SLC24A2: variants seen among roughly 807,000 people sequenced by gnomAD.
SLC24A2 encodes the protein sodium/potassium/calcium exchanger 2.
In SLC24A2, 36 loss-of-function variants were observed where a neutral mutation model predicts 62.0. The ratio of observed to expected loss-of-function variants is 0.58; its 90% CI spans 0.44 to 0.77. The LOEUF (loss-of-function observed/expected upper bound fraction) is 0.77, where lower values mean the gene tolerates loss of function less well. SLC24A2 is among the 30% of genes least tolerant of loss of function. The pLI is 0.00. For synonymous variants in SLC24A2, 358 were observed against 294.0 expected, an observed-to-expected ratio of 1.22 and a Z score of -2.23; for missense variants, 846 against 817.9, an observed-to-expected ratio of 1.03 and a Z score of -0.42.
the SLC24A2 span, among the ~76,000 whole-genome samples, chr9:19,859,013 A>G: frequency 6.6e-6 from 1 of 152,326 alleles, no homozygotes; most frequent in Middle Eastern, 3.4e-3. Flanking sequence ...TACACAAAGG[A>G]ATATAAATCA....
the SLC24A2 span, among the ~76,000 whole-genome samples, chr9:20,291,683 G>A: frequency 1.3e-5 from 2 of 152,104 alleles, no homozygotes; most frequent in East Asian, 3.9e-4. Context: ...TTTCCTGGAC[G>A]CTGGAGCACT....
chr9:19,960,140 A>G, the SLC24A2 span, among the ~76,000 whole-genome samples: 1 of 152,244 alleles, frequency 6.6e-6, no homozygotes, highest in Middle Eastern at 3.4e-3. Context: ...TTGTTTCTTG[A>G]TGCCAACCAA....
chr9:20,055,479 A>G, the SLC24A2 span, among the ~76,000 whole-genome samples: 4 of 152,304 alleles, frequency 2.6e-5, no homozygotes, highest in African/African-American at 7.2e-5. Context: ...AAATTTCATA[A>G]CAACTCTTCA....
chr9:19,990,937 GTA>G, the SLC24A2 span, among the ~76,000 whole-genome samples: 7 of 135,164 alleles, frequency 5.2e-5, no homozygotes, highest in African/African-American at 8.9e-5. Flanking sequence ...ATATATATAT[GTA>G]TGTATATGTA....
the SLC24A2 span, among the ~76,000 whole-genome samples, chr9:20,204,206 A>C: frequency 6.6e-6 from 1 of 152,242 alleles, no homozygotes; most frequent in African/African-American, 2.4e-5. Flanking sequence ...GTAACTGAGA[A>C]ATAATAAAAC....
chr9:19,995,604 A>C, the SLC24A2 span, among the ~76,000 whole-genome samples: 1 of 152,342 alleles, frequency 6.6e-6, no homozygotes, highest in South Asian at 2.1e-4. Flanking sequence ...TAGGTACCAG[A>C]CATTCTTTGA....
At chr9:20,131,515 T>C in the SLC24A2 span, among the ~76,000 whole-genome samples, 1 of 152,132 alleles carries the variant, frequency 6.6e-6, no homozygotes, top group Non-Finnish European at 1.5e-5. Context: ...AGATTTCCTG[T>C]TTAAAGGAAA....
intron 4 of SLC24A2, among the ~76,000 whole-genome samples, chr9:19,605,573 G>A (rs1208949332): frequency 6.6e-6 from 1 of 152,118 alleles, no homozygotes; most frequent in Non-Finnish European, 1.5e-5. Context: ...TGAAGATATG[G>A]CACATGGTAA....
At chr9:20,214,098 T>C in the SLC24A2 span, among the ~76,000 whole-genome samples, 1 of 152,342 alleles carries the variant, frequency 6.6e-6, no homozygotes, top group East Asian at 1.9e-4. Context: ...TTTATTAATT[T>C]ATCTGTCAAT....
At chr9:19,737,540 C>T (rs777465161) in intron 2 of SLC24A2, among the ~76,000 whole-genome samples, 2 of 151,650 alleles carry the variant, frequency 1.3e-5, no homozygotes, top group Non-Finnish European at 2.9e-5. Flanking sequence ...TCCATATAAT[C>T]GGTACACTAC....
the SLC24A2 span, among the ~76,000 whole-genome samples, chr9:20,074,220 G>A: frequency 6.6e-6 from 1 of 151,850 alleles, no homozygotes; most frequent in East Asian, 1.9e-4. Context: ...TTTCCAGCAG[G>A]AGACTGTGGT....
the SLC24A2 span, among the ~76,000 whole-genome samples, chr9:20,066,043 G>A: frequency 1.2e-4 from 19 of 152,120 alleles, no homozygotes; most frequent in Non-Finnish European, 8.8e-5. Context: ...CCTTCAGAGG[G>A]TTTGCAGCCA....
At chr9:19,774,415 G>T (rs556920095) in intron 2 of SLC24A2, among the ~76,000 whole-genome samples, 40 of 152,258 alleles carry the variant, frequency 2.6e-4, no homozygotes, top group South Asian at 8.3e-4. Context: ...TAATTTCATT[G>T]TGTTAACCTT....
chr9:19,999,410 G>A, the SLC24A2 span, among the ~76,000 whole-genome samples: 5 of 152,144 alleles, frequency 3.3e-5, no homozygotes, highest in Non-Finnish European at 7.4e-5. Flanking sequence ...TTGGACAAAT[G>A]GTACCTTTTC....
intron 8 of SLC24A2, among the ~76,000 whole-genome samples, chr9:19,532,449 G>A (rs999587236): frequency 6.6e-6 from 1 of 152,118 alleles, no homozygotes; most frequent in Admixed American, 6.5e-5. Context: ...GAATGTAAAT[G>A]CTATGTAAAC....
the SLC24A2 span, among the ~76,000 whole-genome samples, chr9:20,002,045 A>G: frequency 6.6e-6 from 1 of 152,186 alleles, no homozygotes; most frequent in Non-Finnish European, 1.5e-5. Context: ...GGCAGTCCTC[A>G]GGGCTGAGGA....
rs141028870 is a variant in SLC24A2, at chr9:19,774,372, A to G, written c.930+11565T>C. On this transcript the variant is annotated intron_variant, in intron 2 of 10. Transcript: ENST00000341998. ...CAAGATCACACAGCTAGGAAGGTCT[A>G]TCCAAAATAATCTCTGTCCTAGGCC... Among the ~76,000 whole-genome samples, 78 of 152,326 alleles carry G rather than the reference A, an allele frequency of 5.1e-4. No individual in the cohort carries two copies. The East Asian group carries it at 0.012, about 23-fold the overall frequency.
intron 2 of SLC24A2, among the ~76,000 whole-genome samples, chr9:19,699,139 G>A (rs1030900116): frequency 1.3e-5 from 2 of 152,084 alleles, no homozygotes; most frequent in African/African-American, 4.8e-5. Flanking sequence ...GGCAATTACT[G>A]TAACAGCTGA....
upstream of SLC24A2, among the ~76,000 whole-genome samples, chr9:19,792,077 C>T (rs1389032428): frequency 6.6e-6 from 1 of 152,010 alleles, no homozygotes; most frequent in Non-Finnish European, 1.5e-5. Context: ...TGTAAAACTG[C>T]CAAAGGGGTG....
Sources: gnomAD v4.1 joint callset for allele counts (sites outside exome capture counted in the v4.1 genomes callset) on GRCh38, gnomAD v4.1.1 for gene constraint, MANE v1.5 for transcripts, NCBI Gene and HGNC (gene_info 2026-07-23, HGNC 2026-07-21) for gene names.